Variants in DPP10 observed in about 807,000 individuals in gnomAD.
DPP10 encodes inactive dipeptidyl peptidase 10.
A neutral mutation model predicts 120.9 loss-of-function variants in DPP10; 33 were observed. The observed-to-expected ratio is 0.27, with a 90% confidence interval of 0.21 to 0.37. DPP10 has a LOEUF of 0.37. Ranked by LOEUF, DPP10 falls within the 10% of genes least tolerant of loss-of-function variation. DPP10 has a pLI of 1.00. For synonymous variants in DPP10, 337 were observed against 326.1 expected (o/e 1.03, Z -0.36); for missense variants, 816 against 942.8 (o/e 0.87, Z 1.76).
intron 1 of DPP10, among the ~76,000 whole-genome samples, chr2:115,172,471 A>G (rs984268978): frequency 2.6e-4 from 40 of 152,180 alleles, no homozygotes; most frequent in African/African-American, 9.2e-4. Context: ...TACAGACCAG[A>G]GAAATGATTA....
chr2:115,303,582 T>A (rs2061237527), intron 1 of DPP10, among the ~76,000 whole-genome samples: 2 of 151,974 alleles, frequency 1.3e-5, no homozygotes, highest in Non-Finnish European at 2.9e-5. Flanking sequence ...AGTGAATGTT[T>A]TATATCAATA....
intron 5 of DPP10, among the ~76,000 whole-genome samples, chr2:115,684,503 A>G (rs2090863033): frequency 6.6e-6 from 1 of 151,884 alleles, no homozygotes; most frequent in Non-Finnish European, 1.5e-5. Context: ...CTGTTGACAC[A>G]GTAGCTTGCT....
chr2:114,444,794 T>G (rs986589132), intron 1 of DPP10, among the ~76,000 whole-genome samples: 2 of 152,186 alleles, frequency 1.3e-5, no homozygotes, highest in African/African-American at 4.8e-5. Context: ...TAAATTCTTT[T>G]GTGCACCCCA....
rs371993229 is a variant in DPP10 at position 115,547,128 on chromosome 2, T to C, written c.441+21156T>C. Reference sequence around the variant, plus strand: ...CACCTAGTATCCATTTCCATCCCAGTATTGCCCTACAGAAAACTCTGGGCT... The same window carrying C: ...CACCTAGTATCCATTTCCATCCCAGCATTGCCCTACAGAAAACTCTGGGCT... On this transcript the variant is annotated intron_variant, in intron 5 of 25. Transcript: ENST00000410059. 3.1e-4 allele frequency among the ~76,000 whole-genome samples: 47 copies of C among 152,244 alleles called. 2 individuals carry two copies. In the East Asian group the frequency reaches 4.7e-3, roughly 15 times the overall value.
chr2:115,388,952 C>T (rs185666334), intron 3 of DPP10, among the ~76,000 whole-genome samples: 1 of 152,178 alleles, frequency 6.6e-6, no homozygotes. Flanking sequence ...AAGCTTGGTT[C>T]AAGAGCTGCC....
chr2:114,497,916 G>A (rs571285901), intron 1 of DPP10, among the ~76,000 whole-genome samples: 5 of 152,264 alleles, frequency 3.3e-5, no homozygotes, highest in South Asian at 4.2e-4. Context: ...ATGCTCACTC[G>A]TCTACGGAAG....
chr2:114,551,574 A>T (rs563259836), intron 1 of DPP10, among the ~76,000 whole-genome samples: 1 of 152,122 alleles, frequency 6.6e-6, no homozygotes. Context: ...CTCAGCCAGC[A>T]CCCTTCTGAG....
At chr2:115,519,776 T>G (rs2077696451) in intron 4 of DPP10, among the ~76,000 whole-genome samples, 1 of 152,190 alleles carries the variant, frequency 6.6e-6, no homozygotes, top group Admixed American at 6.6e-5. Flanking sequence ...GATCGTAATC[T>G]TTTTCCCTCT....
chr2:115,173,889 C>CAA (rs1035449853), intron 1 of DPP10, among the ~76,000 whole-genome samples: 5 of 152,264 alleles, frequency 3.3e-5, no homozygotes, highest in African/African-American at 1.2e-4. Flanking sequence ...CAAAATCATA[C>CAA]AACTGATCAG....
intron 7 of DPP10, among the ~76,000 whole-genome samples, chr2:115,718,440 T>C (rs2092559544): frequency 6.6e-6 from 1 of 152,220 alleles, no homozygotes; most frequent in African/African-American, 2.4e-5. Context: ...AAAAAAGTTA[T>C]CTTTCAGATA....
rs58625775 is a variant in DPP10 at position 115,229,689 on chromosome 2, CCTATTCTATTCTATTCTATTCTATT to C, written c.61-79509_61-79485del. Among the ~76,000 whole-genome samples the C allele has an allele frequency of 8.0e-3, 1,112 of 139,804 alleles. 10 individuals are homozygous for C. Among genetic ancestry groups the C allele is most frequent in the African/African-American group, 0.028 (1,033 of 37,460 alleles). 91.7% of individuals were successfully genotyped at this position (139,804 alleles called of 152,430 possible). A position where few individuals can be genotyped will look rare whatever the true frequency, so the allele number is the denominator to read the frequency against. ...ATGTATAAATTTGTTTCTGAGTTCTCCTATTCTATTCTATTCTATTCTATTCTATTCTATTCTATTCTATTCTATT... is the reference window on the plus strand; with the variant it reads ...ATGTATAAATTTGTTTCTGAGTTCTCCTATTCTATTCTATTCTATTCTATT... On this transcript the variant is annotated intron_variant, in intron 1 of 25. Transcript: ENST00000410059.
intron 3 of DPP10, among the ~76,000 whole-genome samples, chr2:115,495,365 G>GAAAAA (rs3039998): frequency 0.019 from 1,526 of 82,092 alleles, 98 homozygotes; most frequent in African/African-American, 0.052. Flanking sequence ...GCCATTTTCT[G>GAAAAA]AAAAAAAAAA....
chr2:114,924,431 G>C lies in DPP10; in HGVS notation c.61-384808G>C, dbSNP rs182299467. On this transcript the variant is annotated intron_variant, in intron 1 of 25. Transcript: ENST00000410059. ...AATCCCAGCTACTCTGGAAGCTGAG[G>C]CATGAGAATCGCTTGAACCTGGGAG... is the stretch of plus-strand genomic sequence containing the variant. Among the ~76,000 whole-genome samples the C allele has an allele frequency of 2.3e-3, 347 of 152,082 alleles. 3 individuals are homozygous for C. Among genetic ancestry groups the C allele is most frequent in the African/African-American group, 8.0e-3 (331 of 41,490 alleles).
intron 5 of DPP10, among the ~76,000 whole-genome samples, chr2:115,606,004 T>C (rs1055340741): frequency 6.6e-6 from 1 of 152,150 alleles, no homozygotes; most frequent in African/African-American, 2.4e-5. Flanking sequence ...AAATTCCTAA[T>C]GTAGAATTGT....
At chr2:114,858,849 C>T (rs1006018326) in intron 1 of DPP10, among the ~76,000 whole-genome samples, 5 of 152,116 alleles carry the variant, frequency 3.3e-5, no homozygotes, top group South Asian at 2.1e-4. Flanking sequence ...TGGAATCCTG[C>T]GCAAGAGAAT....
chr2:115,638,700 C>CT (rs1257055754), intron 5 of DPP10, among the ~76,000 whole-genome samples: 1 of 152,146 alleles, frequency 6.6e-6, no homozygotes, highest in African/African-American at 2.4e-5. Context: ...GAAATCCTTG[C>CT]TATTATCTGG....
intron 1 of DPP10, among the ~76,000 whole-genome samples, chr2:114,888,235 G>A (rs1008984602): frequency 6.6e-6 from 1 of 152,074 alleles, no homozygotes; most frequent in African/African-American, 2.4e-5. Flanking sequence ...GCAGAGCAGT[G>A]GCATCCACAT....
chr2:115,589,501 C>T (rs2082493212), intron 5 of DPP10, among the ~76,000 whole-genome samples: 1 of 151,848 alleles, frequency 6.6e-6, no homozygotes, highest in African/African-American at 2.4e-5. Context: ...CCGTCAATAA[C>T]GTCAATTGAT....
intron 1 of DPP10, among the ~76,000 whole-genome samples, chr2:114,853,790 TGAG>T (rs1351554674): frequency 1.3e-5 from 2 of 152,156 alleles, no homozygotes; most frequent in Non-Finnish European, 2.9e-5. Context: ...GGCCACATGG[TGAG>T]GTACTGAGTC....
Sources: gnomAD v4.1 joint callset for allele counts (sites outside exome capture counted in the v4.1 genomes callset) on GRCh38, gnomAD v4.1.1 for gene constraint, MANE v1.5 for transcripts, NCBI Gene and HGNC (gene_info 2026-07-23, HGNC 2026-07-21) for gene names.